The following CNBD1 variants were observed in gnomAD, a reference collection of about 807,000 sequenced individuals.
The protein encoded by CNBD1 is cyclic nucleotide-binding domain-containing protein 1.
In CNBD1, 71 loss-of-function variants were observed where a neutral mutation model predicts 54.4. The observed-to-expected ratio is 1.30, with a 90% CI of 1.08 to 1.59. CNBD1 has a LOEUF of 1.59. Ranked by LOEUF, CNBD1 falls within the 40% of genes most tolerant of loss-of-function variation. CNBD1 has a pLI of 0.00. For synonymous variants in CNBD1, 182 were observed against 170.7 expected, an observed-to-expected ratio of 1.07 and a Z score of -0.51; for missense variants, 659 against 518.0, an observed-to-expected ratio of 1.27 and a Z score of -2.64.
intron 10 of CNBD1, among the ~76,000 whole-genome samples, chr8:87,359,036 C>T (rs779034977): frequency 4.6e-5 from 7 of 152,144 alleles, no homozygotes; most frequent in East Asian, 1.9e-4. Flanking sequence ...CTCAAAGACA[C>T]ATCTGGAAAT....
chr8:87,421,579 T>G (rs1429466283), intron 2 of CNBD1, among the ~76,000 whole-genome samples: 2 of 152,052 alleles, frequency 1.3e-5, no homozygotes, highest in Admixed American at 6.6e-5. Context: ...TCCGATTTCA[T>G]CCATGTCCCT....
chr8:87,152,477 G>A (rs777873864), intron 4 of CNBD1, among the ~76,000 whole-genome samples: 17 of 150,890 alleles, frequency 1.1e-4, no homozygotes, highest in Non-Finnish European at 1.6e-4. Context: ...ATCTCATAAC[G>A]TTTTAAGAAA....
At chr8:87,392,169 A>T (rs967815149) in intron 2 of CNBD1, among the ~76,000 whole-genome samples, 1 of 152,042 alleles carries the variant, frequency 6.6e-6, no homozygotes, top group African/African-American at 2.4e-5. Context: ...GTTGTCAAAG[A>T]TGTGAAAAAA....
At chr8:87,096,449 C>T (rs1400177482) in intron 4 of CNBD1, among the ~76,000 whole-genome samples, 1 of 150,564 alleles carries the variant, frequency 6.6e-6, no homozygotes. Flanking sequence ...ACTCCAAATA[C>T]AGTCACGTTG....
Position 87,163,651 on chromosome 8 carries a change from G to T in CNBD1, c.432-42342G>T, listed in dbSNP as rs537301868. 6.6e-6 allele frequency among the ~76,000 whole-genome samples: 1 copy of T among 151,528 alleles called. No individual in the cohort carries two copies. The highest frequency in any genetic ancestry group is 2.1e-4 in the South Asian group (1 of 4,808). On this transcript the variant is annotated intron_variant, in intron 4 of 10. Transcript: ENST00000518476. This position sits in a 1 kb window ranked among gnomAD's most constrained non-coding sequence, Gnocchi z 4.5. ...ATGAAAATGCAACTGATATTTGTAG[G>T]TTGATTTTGTTTCCTGCAAATTTAT...
intron 4 of CNBD1, among the ~76,000 whole-genome samples, chr8:86,982,052 C>G (rs988821598): frequency 6.6e-6 from 1 of 152,176 alleles, no homozygotes; most frequent in Non-Finnish European, 1.5e-5. Flanking sequence ...TCCAGTTGCT[C>G]CACATCCTGA....
chr8:87,242,202 A>G (rs541256652), intron 6 of CNBD1, among the ~76,000 whole-genome samples: 47 of 152,282 alleles, frequency 3.1e-4, no homozygotes, highest in South Asian at 1.2e-3. Context: ...CCCAAAATAT[A>G]TTTCTTTGAC....
rs547837690 is a variant in CNBD1 at position 87,368,147 on chromosome 8, G to A, written c.1303+14361G>A. On this transcript the variant is annotated intron_variant, in intron 10 of 10. Transcript: ENST00000518476. Reference sequence around the variant, plus strand: ...ATTTCACTCCATCCTGGGTGACAGAGCGAGATTCCATCTAAAAAGAAAAGA... The same window carrying A: ...ATTTCACTCCATCCTGGGTGACAGAACGAGATTCCATCTAAAAAGAAAAGA... Among the ~76,000 whole-genome samples the A allele has an allele frequency of 8.9e-5, 12 of 134,674 alleles. No homozygotes were observed. The South Asian group carries it at 2.7e-3, about 30-fold the overall frequency. 88.4% of individuals were successfully genotyped at this position (134,674 alleles called of 152,430 possible).
intron 10 of CNBD1, among the ~76,000 whole-genome samples, chr8:87,377,206 G>A (rs543484459): frequency 2.3e-4 from 34 of 150,466 alleles, no homozygotes; most frequent in Non-Finnish European, 4.9e-4. Flanking sequence ...CATTGTGCAG[G>A]TTAGTTACAT....
chr8:87,207,468 A>G (rs1369064746), intron 5 of CNBD1, among the ~76,000 whole-genome samples: 1 of 152,090 alleles, frequency 6.6e-6, no homozygotes. Flanking sequence ...ACACACACAC[A>G]CACACACATA....
intron 1 of CNBD1, among the ~76,000 whole-genome samples, chr8:86,874,901 T>C (rs574842821): frequency 7.2e-4 from 109 of 150,850 alleles, no homozygotes; most frequent in Non-Finnish European, 1.4e-3. Flanking sequence ...GCATCATTGA[T>C]CTTAGGATGC....
At chr8:86,997,478 T>A (rs1458941391) in intron 4 of CNBD1, among the ~76,000 whole-genome samples, 1 of 152,190 alleles carries the variant, frequency 6.6e-6, no homozygotes, top group Admixed American at 6.5e-5. Context: ...CTTTTAGTCC[T>A]CCTTGAAAAA....
At chr8:87,082,197 TC>T (rs917724726) in intron 4 of CNBD1, among the ~76,000 whole-genome samples, 1 of 151,966 alleles carries the variant, frequency 6.6e-6, no homozygotes, top group African/African-American at 2.4e-5. Flanking sequence ...CTTGTGACAT[TC>T]CCCCCGGACA....
intron 4 of CNBD1, among the ~76,000 whole-genome samples, chr8:87,062,390 A>AT (rs200894234): frequency 0.039 from 5,898 of 152,230 alleles, 128 homozygotes; most frequent in Middle Eastern, 0.061. Flanking sequence ...AAAAATGGAC[A>AT]TTTTTTAACA....
chr8:87,202,334 A>G (rs1813880991), intron 4 of CNBD1, among the ~76,000 whole-genome samples: 1 of 152,268 alleles, frequency 6.6e-6, no homozygotes, highest in South Asian at 2.1e-4. Context: ...GGAAAGATAC[A>G]GAAGATTAGA....
At chr8:87,003,434 T>C (rs529239146) in intron 4 of CNBD1, among the ~76,000 whole-genome samples, 4 of 152,276 alleles carry the variant, frequency 2.6e-5, no homozygotes, top group African/African-American at 7.2e-5. Flanking sequence ...GTTTAAGACT[T>C]GGGTAGGTCT....
intron 4 of CNBD1, among the ~76,000 whole-genome samples, chr8:87,142,596 A>G (rs1191606943): frequency 6.6e-6 from 1 of 152,188 alleles, no homozygotes; most frequent in Non-Finnish European, 1.5e-5. Context: ...AATTGGTACT[A>G]AATCTTACAT....
intron 4 of CNBD1, among the ~76,000 whole-genome samples, chr8:87,148,839 T>A (rs979780839): frequency 6.6e-6 from 1 of 152,190 alleles, no homozygotes; most frequent in Non-Finnish European, 1.5e-5. Context: ...GGTGATAAGT[T>A]ATGACTGTTA....
chr8:86,960,179 G>A (rs1051566955), intron 4 of CNBD1, among the ~76,000 whole-genome samples: 2 of 152,138 alleles, frequency 1.3e-5, no homozygotes, highest in African/African-American at 2.4e-5. Context: ...CCAAAGCAGG[G>A]TGGGGCATCG....
Sources: allele counts gnomAD v4.1 joint callset (sites outside exome capture counted in the v4.1 genomes callset), GRCh38; gene constraint gnomAD v4.1.1; non-coding constraint Gnocchi (gnomAD v3.1); transcripts MANE v1.5; gene names NCBI Gene and HGNC (gene_info 2026-07-23, HGNC 2026-07-21).